Variants in DMGDH observed in about 807,000 individuals in gnomAD.
The protein encoded by DMGDH is dimethylglycine dehydrogenase.
In DMGDH, 76 loss-of-function variants were observed where a neutral mutation model predicts 95.2. That is an observed-to-expected ratio of 0.80 (90% CI 0.66 to 0.97). DMGDH has a LOEUF of 0.97. Ranked by LOEUF, DMGDH falls within the 50% of genes least tolerant of loss-of-function variation. DMGDH has a pLI of 0.00. For synonymous variants in DMGDH, 345 were observed against 377.6 expected (o/e 0.91, Z 1.00); for missense variants, 987 against 1,055.0 (o/e 0.94, Z 0.89).
chr5:79,010,196 A>G (rs888051645), intron 14 of DMGDH, among the ~76,000 whole-genome samples: 1 of 152,210 alleles, frequency 6.6e-6, no homozygotes, highest in African/African-American at 2.4e-5. Context: ...CATTAGCTCT[A>G]TTAAAGGAAC....
At chr5:79,017,958 C>A (rs1465893481) in intron 14 of DMGDH, among the ~76,000 whole-genome samples, 1 of 152,210 alleles carries the variant, frequency 6.6e-6, no homozygotes, top group African/African-American at 2.4e-5. Context: ...TAGCCCTAAA[C>A]TGGAAACATC....
chr5:79,063,677 G>C lies in DMGDH; in HGVS notation c.212C>G (p.Ala71Gly). 1.2e-6 allele frequency: 2 copies of C among 1,614,154 alleles called. No individual in the cohort carries two copies. Among genetic ancestry groups the C allele is most frequent in the Non-Finnish European group, 1.7e-6 (2 of 1,180,036 alleles). ...CAGCAGGACCACATCTTTCATCCCT[G>C]CTTTGGCCAGGTGATAAGCCAGACT... ...GVSLAYHLAKAGMKDVVLLEK... is the reference protein window; with the variant it reads ...GVSLAYHLAKGGMKDVVLLEK... The change falls in exon 2 of 16, where the codon GCA (alanine) becomes GGA (glycine). Residue 71 changes from alanine (A) to glycine (G), a missense_variant. Physicochemically the swap from Ala to Gly is moderately conservative, Grantham distance 60. Transcript: ENST00000255189.
At chr5:79,006,789 AT>A (rs1753552363) in intron 14 of DMGDH, among the ~76,000 whole-genome samples, 1 of 151,758 alleles carries the variant, frequency 6.6e-6, no homozygotes, top group Non-Finnish European at 1.5e-5. Context: ...AGTGTAATAA[AT>A]CCCCTTAACC....
At position 79,033,812 on chromosome 5, in the gene DMGDH, G is replaced by T. The variant is rs141002639; in HGVS notation, c.1194-404C>A. On this transcript the variant is annotated intron_variant, in intron 7 of 15. Transcript: ENST00000255189. Reference sequence around the variant, plus strand: ...CTCGGCATGGTGGCACGAGACTGTGGTCCCAGGTACACGGGTGGCTGAGGC... The same window carrying T: ...CTCGGCATGGTGGCACGAGACTGTGTTCCCAGGTACACGGGTGGCTGAGGC... 4.7e-4 allele frequency among the ~76,000 whole-genome samples: 71 copies of T among 152,166 alleles called. 1 individual carries two copies. The highest frequency in any genetic ancestry group is 1.7e-3 in the African/African-American group (71 of 41,490).
chr5:79,006,621 CACAG>C (rs1753550177), intron 14 of DMGDH, among the ~76,000 whole-genome samples: 3 of 152,252 alleles, frequency 2.0e-5, no homozygotes, highest in Admixed American at 6.5e-5. Context: ...AAACAGTTCC[CACAG>C]ACAGACTACT....
chr5:79,065,741 G>A (rs752626878), intron 1 of DMGDH, among the ~76,000 whole-genome samples: 18 of 152,166 alleles, frequency 1.2e-4, no homozygotes, highest in South Asian at 2.1e-4. Flanking sequence ...TTATGTGACC[G>A]GCAGCACAGT....
chr5:79,021,128 G>A, intron 14 of DMGDH: 1 of 987,270 alleles, frequency 1.0e-6, no homozygotes, highest in Non-Finnish European at 1.2e-6. Flanking sequence ...TAAAAGTACA[G>A]ATTCAATTAT....
chr5:79,006,506 G>T, intron 14 of DMGDH, among the ~76,000 whole-genome samples: 1 of 152,166 alleles, frequency 6.6e-6, no homozygotes, highest in East Asian at 1.9e-4. Context: ...ACTCTGCCTA[G>T]ACAAGCATCT....
chr5:79,050,248 CAAAAAAAA>C (rs57662602), intron 5 of DMGDH, among the ~76,000 whole-genome samples: 8 of 78,638 alleles, frequency 1.0e-4, no homozygotes, highest in African/African-American at 4.2e-4. Context: ...AACTTTGTCT[CAAAAAAAA>C]AAAAAAAAAA....
intron 2 of DMGDH, among the ~76,000 whole-genome samples, chr5:79,059,871 A>C (rs1755145440): frequency 2.0e-5 from 3 of 152,246 alleles, no homozygotes. Flanking sequence ...GTAGATAACC[A>C]GGAAACCTGT....
At chr5:79,019,410 G>C (rs1753808499) in intron 14 of DMGDH, among the ~76,000 whole-genome samples, 1 of 151,690 alleles carries the variant, frequency 6.6e-6, no homozygotes, top group Non-Finnish European at 1.5e-5. Flanking sequence ...GACTGAAGTT[G>C]GTATGAAGTT....
chr5:79,050,276 ATATATATATAT>A (rs1754817749), intron 5 of DMGDH, among the ~76,000 whole-genome samples: 1 of 27,106 alleles, frequency 3.7e-5, no homozygotes, highest in African/African-American at 1.1e-4. Context: ...AAAAAAAAAT[ATATATATATAT>A]ATATATATAT....
chr5:79,038,031 T>C (rs113107290), intron 7 of DMGDH, among the ~76,000 whole-genome samples: 5,145 of 152,250 alleles, frequency 0.034, 239 homozygotes, highest in African/African-American at 0.11. Flanking sequence ...GCAATCTCTA[T>C]CAAAATCTCA....
rs374876521 is a variant in DMGDH at position 79,055,043 on chromosome 5, G to T, written c.376-695C>A. On this transcript the variant is annotated intron_variant, in intron 3 of 15. Coordinates refer to ENST00000255189, the MANE Select transcript of DMGDH (RefSeq NM_013391.3). The stretch of plus-strand genomic sequence containing the variant: ...GGCTTCTCAAAGGTGGTGACCCCAG[G>T]GAAGGTGGATGCCGAAGATGGGGCC... Among the ~76,000 whole-genome samples the T allele has an allele frequency of 1.2e-4, 18 of 152,306 alleles. 1 individual carries two copies. Among genetic ancestry groups the T allele is most frequent in the African/African-American group, 4.3e-4 (18 of 41,566 alleles).
chr5:79,021,525 C>A, intron 14 of DMGDH: 1 of 1,282,898 alleles, frequency 7.8e-7, no homozygotes, highest in Non-Finnish European at 1.0e-6. Flanking sequence ...GCGCCGTCTC[C>A]CTTTGTGATG....
intron 4 of DMGDH, among the ~76,000 whole-genome samples, chr5:79,052,468 A>G (rs1754896615): frequency 1.3e-5 from 2 of 152,230 alleles, no homozygotes; most frequent in Non-Finnish European, 2.9e-5. Flanking sequence ...TTACGAATTC[A>G]ATCCTTTCAT....
intron 6 of DMGDH, among the ~76,000 whole-genome samples, chr5:79,043,151 C>T (rs1249756323): frequency 6.6e-6 from 1 of 152,214 alleles, no homozygotes; most frequent in Non-Finnish European, 1.5e-5. Flanking sequence ...AGCCAGCCAG[C>T]TTCTTGCCCT....
chr5:79,021,160 G>C, intron 14 of DMGDH: 1 of 987,698 alleles, frequency 1.0e-6, no homozygotes, highest in Non-Finnish European at 1.2e-6. Flanking sequence ...CTTTGGTCAA[G>C]GCTTCCTGAA....
At chr5:79,044,576 A>G (rs1482794141) in intron 5 of DMGDH, 24 bp from the exon 6 acceptor site, 4 of 1,613,054 alleles carry the variant, frequency 2.5e-6, no homozygotes, top group Non-Finnish European at 3.4e-6. Flanking sequence ...ATCATTTAAA[A>G]GTGTCAGCCC....
Sources: allele counts gnomAD v4.1 joint callset (sites outside exome capture counted in the v4.1 genomes callset), GRCh38; gene constraint gnomAD v4.1.1; transcripts MANE v1.5; gene names NCBI Gene and HGNC (gene_info 2026-07-23, HGNC 2026-07-21).